Variants in BDP1 observed in about 807,000 individuals in gnomAD.
BDP1 encodes the protein BDP1 general transcription factor IIIB subunit, also known as transcription factor TFIIIB component B'' homolog.
Under a neutral mutation model 266.6 loss-of-function variants are expected in BDP1, and 169 were observed. That is an observed-to-expected ratio of 0.63 (90% CI 0.56 to 0.72). The LOEUF is 0.72. BDP1 is among the 30% of genes least tolerant of loss of function. The probability of loss-of-function intolerance (pLI) is 0.00; values close to 1 mark genes in which losing one functional copy is unlikely to be tolerated. For missense variants in BDP1, 3,015 were observed against 3,053.8 expected, an observed-to-expected ratio of 0.99 and a Z score of 0.30; for synonymous variants, 1,090 against 1,022.4, an observed-to-expected ratio of 1.07 and a Z score of -1.26.
the BDP1 span, among the ~76,000 whole-genome samples, chr5:71,577,582 T>C: frequency 2.1e-5 from 1 of 47,788 alleles, no homozygotes; most frequent in East Asian, 4.8e-4. Context: ...ATCCATGGGA[T>C]CTTGTGAAAG....
chr5:71,512,157 G>A, intron 17 of BDP1, 84 bp from the exon 18 acceptor site: 1 of 650,582 alleles, frequency 1.5e-6, no homozygotes, highest in South Asian at 5.5e-5. Flanking sequence ...AAAGTGTTTA[G>A]AATTTAGTAG....
At chr5:71,487,678 C>T (rs1383458896) in intron 9 of BDP1, among the ~76,000 whole-genome samples, 1 of 152,292 alleles carries the variant, frequency 6.6e-6, no homozygotes, top group East Asian at 1.9e-4. Context: ...GGGGTCCCCA[C>T]GACCACCACC....
chr5:71,561,210 T>C (rs1308008346), intron 37 of BDP1, among the ~76,000 whole-genome samples: 1 of 152,080 alleles, frequency 6.6e-6, no homozygotes, highest in Non-Finnish European at 1.5e-5. Context: ...CAGACCAGCC[T>C]AACCAACATG....
intron 38 of BDP1, 129 bp from the exon 39 acceptor site, chr5:71,564,625 C>T (rs770311352): frequency 3.5e-5 from 27 of 766,534 alleles, no homozygotes; most frequent in Non-Finnish European, 5.1e-5. Flanking sequence ...ATATTTAAAG[C>T]TCAATATTTA....
rs1365758344 is a variant in BDP1 at position 71,502,735 on chromosome 5, G to A, written c.2185G>A (p.Glu729Lys). 1.2e-6 allele frequency: 2 copies of A among 1,613,932 alleles called. No homozygotes were observed. The highest frequency in any genetic ancestry group is 2.2e-5 in the South Asian group (2 of 91,064). Residue 729 changes from glutamate (E) to lysine (K), a missense_variant, in exon 15 of 39, where the codon GAA (glutamate) becomes AAA (lysine). This residue lies in a region of BDP1 where 2,383 missense variants were observed against 2,404.9 expected (regional missense o/e 0.99). Transcript: ENST00000358731. ...AERKEILISQ[E>K]EIGANVEKNE... ...AAGAAAAGAAATTCTCATATCACAG[G>A]AAGAAATTGGGGCCAATGTAGAGAA...
In BDP1 at chr5:71,544,452, T is replaced by C; in HGVS notation, c.6508T>C (p.Cys2170Arg). 6.2e-7 allele frequency: 1 copy of C among 1,614,120 alleles called. No individual in the cohort carries two copies. The highest frequency in any genetic ancestry group is 8.5e-7 in the Non-Finnish European group (1 of 1,179,974). ...GAATAAGGATCAGAGCAAATTGGCA[T>C]GTGTACATGGTATCAAAGGGACCAG... Reference protein sequence around the residue: ...AENKDQSKLACVHGIKGTSIS... With the variant: ...AENKDQSKLARVHGIKGTSIS... The change falls in exon 31 of 39, where the codon TGT (cysteine) becomes CGT (arginine). Residue 2170 changes from cysteine to arginine, a missense_variant. Physicochemically the swap from Cys to Arg is radical, Grantham distance 180. Around this residue, in one of 3 missense-constraint regions of BDP1, gnomAD observed 629 missense variants for 632.5 expected, o/e 0.99. Transcript: ENST00000358731.
rs1764860710 is a variant in BDP1, at chr5:71,510,615, A to G, written c.3523A>G (p.Thr1175Ala). Residue 1175 changes from threonine (T) to alanine (A), a missense_variant, in exon 17 of 39, where the codon ACA (threonine) becomes GCA (alanine). Physicochemically the swap from Thr to Ala is moderately conservative, Grantham distance 58. Transcript: ENST00000358731. ...AGATGAAATGGAGACAGACTTGAAA[A>G]CAACTGGAAGAGAGGGTTCCTCAAG... ...PVDEMETDLK[T>A]TGREGSSREK... is the part of the protein sequence containing the mutation. The G allele has an allele frequency of 6.3e-7, 1 of 1,582,950 alleles. No individual in the cohort carries two copies. Among genetic ancestry groups the G allele is most frequent in the African/African-American group, 1.4e-5 (1 of 72,540 alleles).
In BDP1 at chr5:71,464,641, G is replaced by A. The variant is rs1416216024; in HGVS notation, c.659+524G>A. ...ACTGCAGCCTTGACCTCCTGGGCTCGTGATCCTCCTGCCTCAGCCTCCTGA... is the reference window on the plus strand; with the variant it reads ...ACTGCAGCCTTGACCTCCTGGGCTCATGATCCTCCTGCCTCAGCCTCCTGA... On this transcript the variant is annotated intron_variant, in intron 4 of 38. Transcript: ENST00000358731. Among the ~76,000 whole-genome samples, 8 of 151,092 alleles carry A rather than the reference G, an allele frequency of 5.3e-5. No individual in the cohort carries two copies. The South Asian group carries it at 6.3e-4, about 12-fold the overall frequency.
chr5:71,517,594 CTT>C, intron 22 of BDP1, 142 bp downstream of exon 22: 1 of 661,606 alleles, frequency 1.5e-6, no homozygotes. Context: ...ATACTAGAGT[CTT>C]TTAAATCTGC....
In BDP1 at chr5:71,532,319, T is replaced by G. The variant is rs34768748; in HGVS notation, c.5784T>G (p.Thr1928=). 1.7e-3 allele frequency: 2,796 copies of G among 1,613,392 alleles called. 50 individuals carry two copies. In the African/African-American group the frequency reaches 0.032, roughly 19 times the overall value. The change falls in exon 26 of 39, where the codon ACT becomes ACG. Residue 1928 remains threonine (T), a synonymous_variant. Coordinates refer to ENST00000358731, the MANE Select transcript of BDP1 (RefSeq NM_018429.3). The part of the protein sequence containing the change: ...IEETMEELEI[T]VNVPDVGCIA... ...CTTTATTTTGACAGCTTGAAATAAC[T>G]GTGAATGTCCCAGATGTAGGATGCA...
At chr5:71,529,903 G>A (rs992683929) in intron 25 of BDP1, among the ~76,000 whole-genome samples, 1 of 152,122 alleles carries the variant, frequency 6.6e-6, no homozygotes, top group African/African-American at 2.4e-5. Flanking sequence ...TTGGCAGATG[G>A]GGAAGAGAGG....
chr5:71,543,251 C>T (rs1009639519), intron 30 of BDP1, among the ~76,000 whole-genome samples: 15 of 151,914 alleles, frequency 9.9e-5, no homozygotes, highest in Admixed American at 2.6e-4. Context: ...CACTGTACTC[C>T]GGCCTGGGCA....
At chr5:71,483,503 G>A (rs1456367798) in intron 7 of BDP1, among the ~76,000 whole-genome samples, 1 of 152,186 alleles carries the variant, frequency 6.6e-6, no homozygotes, top group Admixed American at 6.6e-5. Context: ...GGTTTAACCT[G>A]TTACGAATAC....
chr5:71,562,575 T>G, intron 38 of BDP1, 55 bp downstream of exon 38: 1 of 1,564,788 alleles, frequency 6.4e-7, no homozygotes, highest in East Asian at 2.3e-5. Flanking sequence ...GGATATGAGA[T>G]TCAACTAGGG....
chr5:71,567,467 C>G lies in BDP1; in HGVS notation c.*2582C>G, dbSNP rs994841388. 2 of 152,342 alleles carry G rather than the reference C, an allele frequency of 1.3e-5. No individual in the cohort carries two copies. Among genetic ancestry groups the G allele is most frequent in the African/African-American group, 4.8e-5 (2 of 41,544 alleles). The allele number at this position is 152,342 out of a possible 1,614,324, so 9.4% of individuals were successfully genotyped here. Reference sequence around the variant, plus strand: ...CATGTTGGAAAGAACTATGTTAGGTCTGATTCATGTGAAGAAGATGTTGCA... The same window carrying G: ...CATGTTGGAAAGAACTATGTTAGGTGTGATTCATGTGAAGAAGATGTTGCA... On this transcript the variant is annotated 3_prime_UTR_variant, in exon 39 of 39. Transcript: ENST00000358731.
intron 35 of BDP1, among the ~76,000 whole-genome samples, chr5:71,555,708 G>A (rs981649983): frequency 6.6e-6 from 1 of 151,914 alleles, no homozygotes; most frequent in African/African-American, 2.4e-5. Flanking sequence ...CAAAGTGATG[G>A]GATATTACAG....
rs779278068 is a variant in BDP1 at position 71,545,038 on chromosome 5, G to GA, written c.6566dup (p.Asn2189LysfsTer23). The GA allele has an allele frequency of 6.2e-7, 1 of 1,611,930 alleles. No homozygotes were observed. Among genetic ancestry groups the GA allele is most frequent in the South Asian group, 1.1e-5 (1 of 90,732 alleles). ...GACATGCATGCTAAACTCTCTTTCA[G>GA]AAACGAAAATCAAGAAGAGAGCTCT... On this transcript the variant is annotated frameshift_variant and splice_region_variant. Transcript: ENST00000358731. LOFTEE classifies it high-confidence loss of function.
chr5:71,503,732 C>T (rs993427293), intron 15 of BDP1, among the ~76,000 whole-genome samples: 7 of 152,002 alleles, frequency 4.6e-5, no homozygotes, highest in Non-Finnish European at 8.8e-5. Flanking sequence ...TTTGGGAGGC[C>T]GAGGTGAGAG....
At chr5:71,554,522 C>T (rs773278224) in intron 35 of BDP1, among the ~76,000 whole-genome samples, 4 of 152,130 alleles carry the variant, frequency 2.6e-5, no homozygotes, top group Non-Finnish European at 4.4e-5. Context: ...GTACCAGTCA[C>T]CCAGTTTCAA....
Sources: gnomAD v4.1 joint callset for allele counts (sites outside exome capture counted in the v4.1 genomes callset) on GRCh38, gnomAD v4.1.1 for gene constraint, gnomAD v4.1.1 regional missense constraint, MANE v1.5 for transcripts, NCBI Gene and HGNC (gene_info 2026-07-23, HGNC 2026-07-21) for gene names.